IQCE: variants seen among roughly 807,000 people sequenced by gnomAD.
IQCE encodes the protein IQ motif containing E.
In IQCE, 115 loss-of-function variants were observed where a neutral mutation model predicts 96.0. The ratio of observed to expected loss-of-function variants is 1.20; its 90% CI spans 1.03 to 1.40. IQCE has a LOEUF of 1.40. IQCE is among the 40% of genes most tolerant of loss of function. The probability of loss-of-function intolerance (pLI) is 0.00; values close to 1 mark genes in which losing one functional copy is unlikely to be tolerated. For synonymous variants in IQCE, 412 were observed against 371.2 expected (o/e 1.11, Z -1.26); for missense variants, 1,041 against 909.1 (o/e 1.15, Z -1.87).
At chr7:2,604,066 GCAA>G (rs1335130000) in intron 18 of IQCE, among the ~76,000 whole-genome samples, 1 of 149,952 alleles carries the variant, frequency 6.7e-6, no homozygotes, top group Non-Finnish European at 1.5e-5. Context: ...TTGGCTCACT[GCAA>G]CCTCTGCCTC....
chr7:2,604,728 C>T (rs928325950), intron 18 of IQCE, among the ~76,000 whole-genome samples, 153 bp from the exon 19 acceptor site: 3 of 152,140 alleles, frequency 2.0e-5, no homozygotes, highest in East Asian at 1.9e-4. Context: ...AGTGGGAGCA[C>T]GGACGGCTCT....
Position 2,610,088 on chromosome 7 carries a change from G to A in IQCE, c.2014G>A (p.Asp672Asn), listed in dbSNP as rs547463047. Reference sequence around the variant, plus strand: ...ACAGGCCTTGGCACCTCTACCTGGGGATGACGTCAACTCCGATGATTCCGA... The same window carrying A: ...ACAGGCCTTGGCACCTCTACCTGGGAATGACGTCAACTCCGATGATTCCGA... ...GPQALAPLPG[D>N]DVNSDDSDDI... The change falls in exon 22 of 22, where the codon GAT becomes AAT. Residue 672 changes from aspartate to asparagine, a missense_variant. By Grantham distance (23) the Asp-to-Asn change is conservative. Transcript: ENST00000402050. 6.2e-7 allele frequency: 1 copy of A among 1,613,152 alleles called. No homozygotes were observed. Among genetic ancestry groups the A allele is most frequent in the Non-Finnish European group, 8.5e-7 (1 of 1,179,090 alleles).
In IQCE at chr7:2,581,670, A is replaced by G. The variant is rs1413940732; in HGVS notation, c.631-910A>G. Among the ~76,000 whole-genome samples the G allele has an allele frequency of 4.0e-5, 6 of 151,604 alleles. No homozygotes were observed. The South Asian group carries it at 1.3e-3, about 32-fold the overall frequency. On this transcript the variant is annotated intron_variant, in intron 8 of 21. Coordinates refer to ENST00000402050, the MANE Select transcript of IQCE (RefSeq NM_152558.5). ...AGTCTGGGCAACATAGTGAAACCCC[A>G]TCTCTATTTAAAAGTTGTCTATTTA...
At chr7:2,588,239 T>C (rs570936781) in intron 13 of IQCE, among the ~76,000 whole-genome samples, 43 of 152,232 alleles carry the variant, frequency 2.8e-4, no homozygotes, top group Non-Finnish European at 5.0e-4. Flanking sequence ...ACCCAACTCC[T>C]GGCCAGGCAG....
intron 14 of IQCE, among the ~76,000 whole-genome samples, chr7:2,592,770 G>T (rs1346862694): frequency 6.6e-6 from 1 of 152,256 alleles, no homozygotes; most frequent in Non-Finnish European, 1.5e-5. Context: ...TCTATGGCCT[G>T]ATGGCAGGGC....
chr7:2,607,270 T>C (rs775246755), intron 21 of IQCE, 43 bp downstream of exon 21: 1 of 1,612,710 alleles, frequency 6.2e-7, no homozygotes, highest in South Asian at 1.1e-5. Flanking sequence ...GCAGCTGGTC[T>C]GCTGAGGTCT....
At chr7:2,597,790 C>T (rs1426685043) in intron 16 of IQCE, among the ~76,000 whole-genome samples, 1 of 152,172 alleles carries the variant, frequency 6.6e-6, no homozygotes, top group Non-Finnish European at 1.5e-5. Context: ...CCTCAGCCTC[C>T]CGAGTAGCTG....
chr7:2,567,211 G>A (rs1781444402), intron 2 of IQCE, 48 bp downstream of exon 2: 2 of 1,502,700 alleles, frequency 1.3e-6, no homozygotes, highest in Non-Finnish European at 1.8e-6. Flanking sequence ...TGGTTGCGCT[G>A]CCCTTGCAGA....
At chr7:2,602,499 C>T (rs887870576) in intron 18 of IQCE, among the ~76,000 whole-genome samples, 12 of 152,198 alleles carry the variant, frequency 7.9e-5, no homozygotes, top group Non-Finnish European at 1.0e-4. Context: ...TCAGAGCTGG[C>T]GCTGGGCCAC....
At chr7:2,563,378 TGTG>T (rs1562615844) in intron 1 of IQCE, among the ~76,000 whole-genome samples, 20 of 100,296 alleles carry the variant, frequency 2.0e-4, no homozygotes, top group African/African-American at 6.7e-4. Context: ...TTTTTTGTTG[TGTG>T]TGTGTGTGTG....
chr7:2,596,890 G>C (rs1784078964), intron 16 of IQCE: 2 of 443,130 alleles, frequency 4.5e-6, no homozygotes, highest in South Asian at 3.2e-5. Flanking sequence ...CAAGCAACTT[G>C]TTGCCACAGC....
intron 20 of IQCE, 49 bp downstream of exon 20, chr7:2,606,046 T>C (rs779633987): frequency 2.6e-6 from 4 of 1,562,748 alleles, no homozygotes; most frequent in African/African-American, 2.7e-5. Context: ...CACGAGAGGC[T>C]GCCCACCGCA....
At chr7:2,585,159 C>T (rs1782999933) in intron 11 of IQCE, among the ~76,000 whole-genome samples, 1 of 151,902 alleles carries the variant, frequency 6.6e-6, no homozygotes, top group Non-Finnish European at 1.5e-5. Context: ...CCTCTGCCTC[C>T]CAAGTATCTG....
intron 21 of IQCE, among the ~76,000 whole-genome samples, chr7:2,608,335 C>T (rs965216495): frequency 6.6e-6 from 1 of 152,240 alleles, no homozygotes. Context: ...AGAGCCTTCC[C>T]TCCCCAGGGG....
At chr7:2,603,554 G>T (rs1434735636) in intron 18 of IQCE, among the ~76,000 whole-genome samples, 1 of 152,194 alleles carries the variant, frequency 6.6e-6, no homozygotes, top group African/African-American at 2.4e-5. Flanking sequence ...TGGGGCTGTG[G>T]TGAGCGTGGG....
chr7:2,559,314 C>A, intron 1 of IQCE, 97 bp downstream of exon 1: 1 of 664,128 alleles, frequency 1.5e-6, no homozygotes, highest in Non-Finnish European at 2.1e-6. Flanking sequence ...AGGGGCCGGC[C>A]CGGGGCGTGA....
In IQCE at chr7:2,587,708, G is replaced by A; in HGVS notation, c.989-114G>A. 3 of 1,046,888 alleles carry A rather than the reference G, an allele frequency of 2.9e-6. No individual in the cohort carries two copies. In the South Asian group the frequency reaches 4.0e-5, roughly 14 times the overall value. 64.8% of individuals were successfully genotyped at this position (1,046,888 alleles called of 1,614,324 possible). ...CAGGACCTGTCGGTGTGGCTCTGCA[G>A]CCCCGCAGGCTGCTCCGGCTGCGGA... On this transcript the variant is annotated intron_variant, in intron 12 of 21. Transcript: ENST00000402050.
chr7:2,572,353 G>A (rs769500392), intron 5 of IQCE, 27 bp downstream of exon 5: 2 of 1,607,520 alleles, frequency 1.2e-6, no homozygotes, highest in Non-Finnish European at 1.7e-6. Flanking sequence ...TGGCGAGGCT[G>A]AGGCCAAGGA....
chr7:2,587,730 C>A, intron 12 of IQCE, 92 bp from the exon 13 acceptor site: 1 of 1,290,424 alleles, frequency 7.7e-7, no homozygotes, highest in Non-Finnish European at 1.1e-6. Flanking sequence ...GCTCCGGCTG[C>A]GGAAGAGGAG....
Sources: allele counts gnomAD v4.1 joint callset (sites outside exome capture counted in the v4.1 genomes callset), GRCh38; gene constraint gnomAD v4.1.1; transcripts MANE v1.5; gene names NCBI Gene and HGNC (gene_info 2026-07-23, HGNC 2026-07-21).